Variants in ADAMTSL1 observed in about 807,000 individuals in gnomAD.
ADAMTSL1 encodes the protein ADAMTS-like protein 1.
ADAMTSL1 carries 126 observed loss-of-function variants against 201.8 expected under a neutral mutation model. The observed-to-expected ratio is 0.62, with a 90% CI of 0.54 to 0.72. ADAMTSL1 has a LOEUF of 0.72. ADAMTSL1 is among the 30% of genes least tolerant of loss of function. ADAMTSL1 has a pLI of 0.00. For synonymous variants in ADAMTSL1, 1,121 were observed against 903.4 expected (o/e 1.24, Z -4.32); for missense variants, 2,679 against 2,277.8 (o/e 1.18, Z -3.59).
chr9:18,289,497 A>G (rs16936518), intron 2 of ADAMTSL1, among the ~76,000 whole-genome samples: 9,260 of 152,278 alleles, frequency 0.061, 950 homozygotes, highest in African/African-American at 0.21. Flanking sequence ...AGCCAACCAT[A>G]GGAATCAGAA....
At chr9:18,011,705 G>C (rs1266412111) in intron 1 of ADAMTSL1, among the ~76,000 whole-genome samples, 1 of 151,992 alleles carries the variant, frequency 6.6e-6, no homozygotes, top group African/African-American at 2.4e-5. Flanking sequence ...AAATATCATG[G>C]AGCCTCTTTC....
intron 1 of ADAMTSL1, among the ~76,000 whole-genome samples, chr9:18,002,646 A>T (rs1819659619): frequency 6.6e-6 from 1 of 152,040 alleles, no homozygotes; most frequent in African/African-American, 2.4e-5. Flanking sequence ...AATGATAATA[A>T]TGTCAATCTT....
chr9:18,598,267 C>T (rs1482502916), intron 4 of ADAMTSL1, among the ~76,000 whole-genome samples: 1 of 151,986 alleles, frequency 6.6e-6, no homozygotes, highest in Non-Finnish European at 1.5e-5. Flanking sequence ...TAAAATATGA[C>T]CAGCATCAGG....
At chr9:18,621,934 A>G (rs918052024) in intron 4 of ADAMTSL1, among the ~76,000 whole-genome samples, 1 of 152,062 alleles carries the variant, frequency 6.6e-6, no homozygotes. Flanking sequence ...AAACATCAAT[A>G]ATTCAGGATC....
chr9:18,307,876 A>T (rs1045697348), intron 2 of ADAMTSL1, among the ~76,000 whole-genome samples: 1 of 152,182 alleles, frequency 6.6e-6, no homozygotes, highest in Non-Finnish European at 1.5e-5. Flanking sequence ...CTTCACCCAA[A>T]ATCAACAGAA....
At chr9:18,669,307 T>G (rs1446231218) in intron 9 of ADAMTSL1, among the ~76,000 whole-genome samples, 3 of 152,242 alleles carry the variant, frequency 2.0e-5, no homozygotes, top group Non-Finnish European at 4.4e-5. Context: ...TCCCACTTAT[T>G]TAAAAGCAGT....
intron 2 of ADAMTSL1, among the ~76,000 whole-genome samples, chr9:18,359,263 A>T (rs950045315): frequency 6.6e-6 from 1 of 152,064 alleles, no homozygotes. Flanking sequence ...GCCCTTTTGG[A>T]TCCCTTCAGC....
At chr9:18,215,066 G>A (rs1376655014) in intron 2 of ADAMTSL1, among the ~76,000 whole-genome samples, 1 of 152,170 alleles carries the variant, frequency 6.6e-6, no homozygotes, top group Admixed American at 6.5e-5. Context: ...TACTTTGAAA[G>A]AGGGCAGAAG....
chr9:18,192,997 G>A (rs1196989143), intron 2 of ADAMTSL1, among the ~76,000 whole-genome samples: 6 of 151,674 alleles, frequency 4.0e-5, no homozygotes, highest in African/African-American at 1.4e-4. Flanking sequence ...AACGATATAA[G>A]GAATACTTCA....
In ADAMTSL1 at chr9:17,937,528, T is replaced by A. The variant is rs952807710; in HGVS notation, c.87+30606T>A. 2.0e-5 allele frequency among the ~76,000 whole-genome samples: 3 copies of A among 152,062 alleles called. No individual in the cohort carries two copies. In the East Asian group the frequency reaches 5.8e-4, roughly 29 times the overall value. On this transcript the variant is annotated intron_variant, in intron 1 of 29. Transcript: ENST00000680146. ...AACATTGTTTCTATGGGAAAAAAAA[T>A]GGATTCCTACTTTTAAACACACTTA...
intron 4 of ADAMTSL1, among the ~76,000 whole-genome samples, chr9:18,611,719 A>T (rs535485067): frequency 3.5e-4 from 54 of 152,282 alleles, no homozygotes; most frequent in African/African-American, 1.1e-3. Flanking sequence ...TATAGGAAAA[A>T]ATTATTTAAA....
intron 2 of ADAMTSL1, among the ~76,000 whole-genome samples, chr9:18,335,609 T>G (rs1302565334): frequency 6.6e-6 from 1 of 152,150 alleles, no homozygotes; most frequent in Non-Finnish European, 1.5e-5. Flanking sequence ...AAGACAATAT[T>G]ACTGTTCACT....
rs1180157967 is a variant in ADAMTSL1 at position 18,088,537 on chromosome 9, G to A, written c.88-75325G>A. ...AACGCCTACAACTCAATAGCAAAAA[G>A]CCTAATAACCCAATTAAAAATAAGA... On this transcript the variant is annotated intron_variant, in intron 1 of 29. Coordinates refer to the ADAMTSL1 transcript ENST00000680146. Among the ~76,000 whole-genome samples, 3 of 152,086 alleles carry A rather than the reference G, an allele frequency of 2.0e-5. No homozygotes were observed. The East Asian group carries it at 5.8e-4, about 29-fold the overall frequency.
At chr9:18,762,392 T>C (rs539869093) in intron 16 of ADAMTSL1, among the ~76,000 whole-genome samples, 1 of 152,182 alleles carries the variant, frequency 6.6e-6, no homozygotes, top group Non-Finnish European at 1.5e-5. Flanking sequence ...TAATAGTATA[T>C]GTATTTATGG....
intron 1 of ADAMTSL1, among the ~76,000 whole-genome samples, chr9:18,112,777 G>A (rs186989502): frequency 6.6e-6 from 1 of 152,150 alleles, no homozygotes; most frequent in Non-Finnish European, 1.5e-5. Flanking sequence ...CCATGTAAAT[G>A]TTATGAAGGC....
intron 28 of ADAMTSL1, 124 bp from the exon 29 acceptor site, chr9:18,908,318 G>A (rs1381983727): frequency 1.2e-6 from 1 of 805,410 alleles, no homozygotes; most frequent in East Asian, 2.7e-5. Context: ...GGTGGCCAAG[G>A]CAGACCCCAG....
rs576293111 is a variant in ADAMTSL1, at chr9:18,180,261, C to G, written c.207+16280C>G. ...ATAAAACAGACTTTAAGGCCGGGCA[C>G]GGTGGCTCACGCCTGTAATCCCAGC... On this transcript the variant is annotated intron_variant, in intron 2 of 29. Coordinates refer to the ADAMTSL1 transcript ENST00000680146. Among the ~76,000 whole-genome samples, 698 of 152,300 alleles carry G rather than the reference C, an allele frequency of 4.6e-3. 6 individuals carry two copies. The highest frequency in any genetic ancestry group is 0.016 in the African/African-American group (673 of 41,550).
At position 18,307,236 on chromosome 9, in the gene ADAMTSL1, AAAAC is replaced by A. The variant is rs200755339; in HGVS notation, c.207+143257_207+143260del. ...AAAAAAAATAGTACCAGCCACTGCA[AAAAC>A]ATACCAAATTGTAAAGACCGTTGAT... On this transcript the variant is annotated intron_variant, in intron 2 of 29. Transcript: ENST00000680146. Among the ~76,000 whole-genome samples the A allele has an allele frequency of 8.8e-3, 1,343 of 152,310 alleles. 31 individuals carry two copies. The highest frequency in any genetic ancestry group is 0.031 in the African/African-American group (1,268 of 41,566).
At chr9:18,471,121 C>G (rs1888068), upstream of ADAMTSL1, among the ~76,000 whole-genome samples, 86,172 of 152,010 alleles carry the variant, frequency 0.57, 24,677 homozygotes, top group African/African-American at 0.64. Context: ...AAAGTCAAGA[C>G]ACATAGAAGC....
Sources: gnomAD v4.1 joint callset for allele counts (sites outside exome capture counted in the v4.1 genomes callset) on GRCh38, gnomAD v4.1.1 for gene constraint, MANE v1.5 for transcripts, NCBI Gene and HGNC (gene_info 2026-07-23, HGNC 2026-07-21) for gene names.